Variants in INSYN2B observed in about 807,000 individuals in gnomAD.
INSYN2B encodes the protein inhibitory synaptic factor family member 2B.
In INSYN2B, 16 loss-of-function variants were observed where a neutral mutation model predicts 41.2. The ratio of observed to expected loss-of-function variants is 0.39; its 90% CI spans 0.26 to 0.59. The LOEUF (loss-of-function observed/expected upper bound fraction) is 0.59, where lower values mean the gene tolerates loss of function less well. INSYN2B is among the 20% of genes least tolerant of loss of function. The pLI is 0.57. For missense variants in INSYN2B, 608 were observed against 646.4 expected (o/e 0.94, Z 0.64); for synonymous variants, 245 against 244.4 (o/e 1.00, Z -0.02).
rs952502443 is a variant in INSYN2B, at chr5:169,883,703, C to G, written c.196G>C (p.Gly66Arg). The stretch of plus-strand genomic sequence containing the variant: ...TGGTGCCTGGTTGCTTGAGTCTTCC[C>G]CATCACAGCCGGGTCTTCTGGAGTT... ...VQTPEDPAVMGKTQATRHHLP... is the reference protein window; with the variant it reads ...VQTPEDPAVMRKTQATRHHLP... The change falls in exon 2 of 4, where the codon GGG (glycine) becomes CGG (arginine). Residue 66 changes from glycine (G) to arginine (R), a missense_variant. Physicochemically the swap from Gly to Arg is moderately radical, Grantham distance 125 (BLOSUM62 -2). Transcript: ENST00000377365. The G allele has an allele frequency of 3.9e-6, 6 of 1,551,318 alleles. No homozygotes were observed. The highest frequency in any genetic ancestry group is 3.3e-4 in the Middle Eastern group (2 of 5,984).
intron 1 of INSYN2B, among the ~76,000 whole-genome samples, chr5:169,893,084 A>T (rs1034388275): frequency 6.6e-6 from 1 of 151,788 alleles, no homozygotes; most frequent in Non-Finnish European, 1.5e-5. Flanking sequence ...TTGCATCTTC[A>T]TAAATGTTTT....
chr5:169,960,216 G>T (rs1777030340), intron 1 of INSYN2B, among the ~76,000 whole-genome samples: 1 of 152,216 alleles, frequency 6.6e-6, no homozygotes, highest in South Asian at 2.1e-4. Context: ...AAATAATGTA[G>T]TTCCTACAGA....
chr5:169,916,995 C>T (rs141733044), intron 1 of INSYN2B, among the ~76,000 whole-genome samples: 54 of 152,276 alleles, frequency 3.5e-4, no homozygotes, highest in African/African-American at 1.3e-3. Context: ...TGAATTCGTT[C>T]ATTGCAAATA....
intron 1 of INSYN2B, among the ~76,000 whole-genome samples, chr5:169,922,238 G>C (rs1421065048): frequency 2.0e-5 from 3 of 152,184 alleles, no homozygotes; most frequent in African/African-American, 7.2e-5. Flanking sequence ...GGTATTTATT[G>C]CTTCCAAAGA....
At chr5:169,946,922 G>A (rs920016858) in intron 1 of INSYN2B, among the ~76,000 whole-genome samples, 2 of 152,236 alleles carry the variant, frequency 1.3e-5, no homozygotes, top group African/African-American at 4.8e-5. Context: ...AGAGGGAAGA[G>A]CGTGGGCAAG....
intron 1 of INSYN2B, among the ~76,000 whole-genome samples, chr5:169,892,408 A>G (rs940431919): frequency 2.0e-5 from 3 of 152,246 alleles, no homozygotes; most frequent in Admixed American, 2.0e-4. Context: ...CAAGTGACAC[A>G]TTGAGTTGAA....
chr5:169,913,830 T>C (rs941793592), intron 1 of INSYN2B, among the ~76,000 whole-genome samples: 1 of 152,212 alleles, frequency 6.6e-6, no homozygotes, highest in Non-Finnish European at 1.5e-5. Flanking sequence ...ACTACAATGT[T>C]GATCCCATTT....
chr5:169,940,281 G>A (rs1038572014), intron 1 of INSYN2B, among the ~76,000 whole-genome samples: 2 of 152,150 alleles, frequency 1.3e-5, no homozygotes, highest in African/African-American at 2.4e-5. Context: ...TCTCAACCAG[G>A]GGCAATTTTG....
At chr5:169,919,852 G>T (rs573340292) in intron 1 of INSYN2B, among the ~76,000 whole-genome samples, 9 of 152,184 alleles carry the variant, frequency 5.9e-5, no homozygotes, top group Non-Finnish European at 2.9e-5. Context: ...TGCTTTAAAG[G>T]TGGAAACTTA....
chr5:169,869,074 C>T (rs544981940), intron 3 of INSYN2B, among the ~76,000 whole-genome samples: 2 of 152,310 alleles, frequency 1.3e-5, no homozygotes, highest in East Asian at 3.9e-4. Context: ...GCTGAAATCA[C>T]TGCACATGGA....
At chr5:169,908,313 G>A (rs1488177139) in intron 1 of INSYN2B, among the ~76,000 whole-genome samples, 1 of 151,830 alleles carries the variant, frequency 6.6e-6, no homozygotes, top group Non-Finnish European at 1.5e-5. Flanking sequence ...AAGTATATAA[G>A]CACATGCGAT....
chr5:169,954,768 C>T (rs1776795432), intron 1 of INSYN2B, among the ~76,000 whole-genome samples: 1 of 152,106 alleles, frequency 6.6e-6, no homozygotes, highest in Admixed American at 6.5e-5. Context: ...CTCTCAAAAC[C>T]CAGGGGAGTG....
At chr5:169,963,289 A>G (rs1777165879) in intron 1 of INSYN2B, among the ~76,000 whole-genome samples, 1 of 152,098 alleles carries the variant, frequency 6.6e-6, no homozygotes, top group Non-Finnish European at 1.5e-5. Context: ...TTTTCTCTAA[A>G]TCAAATTAAA....
At chr5:169,977,507 T>G (rs1480802496) in intron 1 of INSYN2B, among the ~76,000 whole-genome samples, 1 of 152,196 alleles carries the variant, frequency 6.6e-6, no homozygotes, top group East Asian at 1.9e-4. Flanking sequence ...CAGTGTGAAG[T>G]AAGGAATATT....
intron 1 of INSYN2B, among the ~76,000 whole-genome samples, chr5:169,973,747 C>T (rs1436049755): frequency 6.6e-6 from 1 of 152,208 alleles, no homozygotes; most frequent in Non-Finnish European, 1.5e-5. Flanking sequence ...GGGGTGTCCT[C>T]AGCCATAGAG....
chr5:169,882,668 C>G lies in INSYN2B; in HGVS notation c.1231G>C (p.Asp411His), dbSNP rs753222944. Residue 411 changes from aspartate (D) to histidine (H), a missense_variant, in exon 2 of 4, where the codon GAC (aspartate) becomes CAC (histidine). Coordinates refer to ENST00000377365, the MANE Select transcript of INSYN2B (RefSeq NM_001129891.3). ...QIHLARGELC[D>H]LQGRLQSVEE... ...ACAGATTGCAGTCGGCCTTGGAGGT[C>G]GCAGAGTTCACCCCGTGCCAGGTGA... 1 of 1,552,080 alleles carries G rather than the reference C, an allele frequency of 6.4e-7. No individual in the cohort carries two copies. The highest frequency in any genetic ancestry group is 8.7e-7 in the Non-Finnish European group (1 of 1,147,050).
At chr5:169,893,452 CTACAT>C (rs1175395750) in intron 1 of INSYN2B, among the ~76,000 whole-genome samples, 2 of 148,104 alleles carry the variant, frequency 1.4e-5, no homozygotes, top group Admixed American at 1.3e-4. Flanking sequence ...TTGTTTTTCA[CTACAT>C]AACTGGGGAC....
chr5:169,963,676 G>T (rs562016318), intron 1 of INSYN2B, among the ~76,000 whole-genome samples: 60 of 152,176 alleles, frequency 3.9e-4, no homozygotes, highest in Middle Eastern at 3.4e-3. Context: ...CCAGTCTTGG[G>T]AGTCTCTTTT....
chr5:169,877,286 T>G (rs1772388365), intron 3 of INSYN2B, among the ~76,000 whole-genome samples: 1 of 152,154 alleles, frequency 6.6e-6, no homozygotes, highest in Non-Finnish European at 1.5e-5. Flanking sequence ...CAGATTCTAT[T>G]TTTCAGGTGC....
Sources: allele counts gnomAD v4.1 joint callset (sites outside exome capture counted in the v4.1 genomes callset), GRCh38; gene constraint gnomAD v4.1.1; transcripts MANE v1.5; gene names NCBI Gene and HGNC (gene_info 2026-07-23, HGNC 2026-07-21).